The following PJA2 variants were observed in gnomAD, a reference collection of about 807,000 sequenced individuals.
The protein encoded by PJA2 is praja ring finger ubiquitin ligase 2.
In PJA2, 25 loss-of-function variants were observed where a neutral mutation model predicts 69.3. That is an observed-to-expected ratio of 0.36 (90% CI 0.26 to 0.50). PJA2 has a LOEUF of 0.50. PJA2 is among the 20% of genes least tolerant of loss of function. PJA2 has a pLI of 0.96. For synonymous variants in PJA2, 308 were observed against 277.8 expected (o/e 1.11, Z -1.08); for missense variants, 809 against 830.2 (o/e 0.97, Z 0.31).
chr5:109,383,528 GA>G lies in PJA2; in HGVS notation c.-87-9del. 1 of 999,134 alleles carries G rather than the reference GA, an allele frequency of 1.0e-6. No individual in the cohort carries two copies. Among genetic ancestry groups the G allele is most frequent in the Non-Finnish European group, 1.5e-6 (1 of 662,272 alleles). The allele number at this position is 999,134 out of a possible 1,614,324, so 61.9% of individuals were successfully genotyped here. On this transcript the variant is annotated splice_polypyrimidine_tract_variant and intron_variant, in intron 1 of 9. Coordinates refer to ENST00000361189, the MANE Select transcript of PJA2 (RefSeq NM_014819.5). ...ACAAGCCGCAGAAGATTCCTACAAAGAAACAATGAATTGAACAATATATTAA... is the reference window on the plus strand; with the variant it reads ...ACAAGCCGCAGAAGATTCCTACAAAGAACAATGAATTGAACAATATATTAA...
chr5:109,391,441 T>C (rs1220339797), intron 1 of PJA2, among the ~76,000 whole-genome samples: 1 of 152,184 alleles, frequency 6.6e-6, no homozygotes, highest in Non-Finnish European at 1.5e-5. Flanking sequence ...ATTGTCTTTG[T>C]TTTTGAAGGA....
chr5:109,340,647 C>T (rs189016674), intron 9 of PJA2, among the ~76,000 whole-genome samples: 152 of 976 alleles, frequency 0.16, 57 homozygotes, highest in South Asian at 0.69. Context: ...CCTCCCCCTC[C>T]CCCTCCCCCT....
At chr5:109,354,549 T>C (rs992568911) in intron 7 of PJA2, among the ~76,000 whole-genome samples, 6 of 136,902 alleles carry the variant, frequency 4.4e-5, no homozygotes, top group Non-Finnish European at 9.3e-5. Flanking sequence ...TAGATATCTA[T>C]ATCGATATTA....
intron 4 of PJA2, among the ~76,000 whole-genome samples, chr5:109,369,784 G>C (rs1043866588): frequency 4.6e-5 from 7 of 152,148 alleles, no homozygotes; most frequent in Non-Finnish European, 1.0e-4. Context: ...ATAAATCCCA[G>C]CACTTTGGGA....
At chr5:109,377,307 A>G (rs1360513301) in intron 4 of PJA2, among the ~76,000 whole-genome samples, 1 of 152,140 alleles carries the variant, frequency 6.6e-6, no homozygotes, top group Non-Finnish European at 1.5e-5. Flanking sequence ...TATTTCCACT[A>G]GCTAATAAAA....
chr5:109,362,689 G>C, intron 6 of PJA2, 151 bp downstream of exon 6: 1 of 732,636 alleles, frequency 1.4e-6, no homozygotes, highest in Non-Finnish European at 2.0e-6. Flanking sequence ...GTCCAAGTAG[G>C]AAGGAACATT....
intron 7 of PJA2, among the ~76,000 whole-genome samples, chr5:109,347,513 T>G (rs977847296): frequency 3.9e-5 from 6 of 152,222 alleles, no homozygotes; most frequent in Admixed American, 2.6e-4. Context: ...AGGACAAGGT[T>G]GCCAGCAGCT....
At chr5:109,345,556 C>T (rs776586366) in intron 7 of PJA2, among the ~76,000 whole-genome samples, 49 of 148,360 alleles carry the variant, frequency 3.3e-4, no homozygotes, top group East Asian at 3.9e-4. Flanking sequence ...CAATAATCAT[C>T]TACTTCTCCG....
rs2126981270 is a variant in PJA2, at chr5:109,336,140, A to C, written c.*1091T>G. ...AATTATCAATGTACCAGTTAGACGG[A>C]CATACACTCACTATGTGCTTTACTA... is the stretch of plus-strand genomic sequence containing the variant. On this transcript the variant is annotated 3_prime_UTR_variant, in exon 10 of 10. Transcript: ENST00000361189. 1 of 152,608 alleles carries C rather than the reference A, an allele frequency of 6.6e-6. No homozygotes were observed. The highest frequency in any genetic ancestry group is 1.5e-5 in the Non-Finnish European group (1 of 68,028). The allele number at this position is 152,608 out of a possible 1,614,324, so 9.5% of individuals were successfully genotyped here. A position where few individuals can be genotyped will look rare whatever the true frequency, so the allele number is the denominator to read the frequency against.
intron 7 of PJA2, among the ~76,000 whole-genome samples, chr5:109,353,079 T>C (rs1301601379): frequency 2.1e-5 from 3 of 145,804 alleles, no homozygotes; most frequent in African/African-American, 7.5e-5. Context: ...ATACCTATTA[T>C]ATCTATAGAC....
rs1287668930 is a variant in PJA2 at position 109,378,686 on chromosome 5, C to T, written c.801G>A (p.Thr267=). 18 of 1,613,702 alleles carry T rather than the reference C, an allele frequency of 1.1e-5. No homozygotes were observed. Among genetic ancestry groups the T allele is most frequent in the Admixed American group, 1.0e-4 (6 of 59,982 alleles). ...CCTGGCTAGTATTATTTTGTTGTTTCGTACTAACCATTTCATCTTGAGAAG... is the reference window on the plus strand; with the variant it reads ...CCTGGCTAGTATTATTTTGTTGTTTTGTACTAACCATTTCATCTTGAGAAG... ...QRSSQDEMVS[T]KQQNNTSQER... Residue 267 remains threonine, a synonymous_variant, in exon 4 of 10, where the codon ACG becomes ACA. Transcript: ENST00000361189.
intron 7 of PJA2, among the ~76,000 whole-genome samples, chr5:109,352,116 T>C (rs989545853): frequency 2.6e-5 from 4 of 152,098 alleles, no homozygotes; most frequent in African/African-American, 9.7e-5. Flanking sequence ...TATAGACTGG[T>C]AGGAATAATG....
chr5:109,349,270 A>C (rs1762214050), intron 7 of PJA2, among the ~76,000 whole-genome samples: 1 of 152,216 alleles, frequency 6.6e-6, no homozygotes, highest in South Asian at 2.1e-4. Context: ...GGCTCTGTGA[A>C]AATCTGGGCT....
chr5:109,375,599 G>A (rs1339045705), intron 4 of PJA2, among the ~76,000 whole-genome samples: 1 of 151,764 alleles, frequency 6.6e-6, no homozygotes, highest in Non-Finnish European at 1.5e-5. Context: ...TTATAAGCAT[G>A]ACAAAAAAAA....
chr5:109,363,047 A>G (rs1301668409), intron 5 of PJA2, 25 bp from the exon 6 acceptor site: 1 of 1,533,084 alleles, frequency 6.5e-7, no homozygotes, highest in Admixed American at 1.8e-5. Context: ...TTAAAGGAAG[A>G]AAAAAATATT....
At chr5:109,387,247 T>C (rs1192084757) in intron 1 of PJA2, among the ~76,000 whole-genome samples, 1 of 152,178 alleles carries the variant, frequency 6.6e-6, no homozygotes, top group Admixed American at 6.5e-5. Context: ...GAATATAGAC[T>C]AGAATCTCTC....
rs1286475687 is a variant in PJA2 at position 109,378,854 on chromosome 5, T to G, written c.633A>C (p.Ala211=). The G allele has an allele frequency of 6.2e-7, 1 of 1,614,030 alleles. No individual in the cohort carries two copies. The highest frequency in any genetic ancestry group is 8.5e-7 in the Non-Finnish European group (1 of 1,180,014). The change falls in exon 4 of 10, where the codon GCA becomes GCC. Residue 211 remains alanine, a synonymous_variant. Transcript: ENST00000361189. ...GAACTGGTGGTGAAAGACCAGTGTA[T>G]GCCTCTGCCTCTCTGTTTTCCAACT... The part of the protein sequence containing the change: ...VFELENREAE[A]YTGLSPPVPS...
intron 1 of PJA2, among the ~76,000 whole-genome samples, chr5:109,406,247 A>G (rs148970906): frequency 5.3e-5 from 8 of 152,220 alleles, no homozygotes; most frequent in African/African-American, 1.9e-4. Flanking sequence ...TCACCGTGTT[A>G]GCCAGGATGG....
intron 1 of PJA2, 92 bp downstream of exon 1, chr5:109,409,750 G>A (rs1465409673): frequency 2.6e-5 from 4 of 154,202 alleles, no homozygotes; most frequent in African/African-American, 9.7e-5. Flanking sequence ...CAGAGAAACT[G>A]AGGAGCTGAA....
Sources: gnomAD v4.1 joint callset for allele counts (sites outside exome capture counted in the v4.1 genomes callset) on GRCh38, gnomAD v4.1.1 for gene constraint, MANE v1.5 for transcripts, NCBI Gene and HGNC (gene_info 2026-07-23, HGNC 2026-07-21) for gene names.